ARHGAP21: variants seen among roughly 807,000 people sequenced by gnomAD.
ARHGAP21 encodes the protein Rho GTPase activating protein 21.
ARHGAP21 carries 38 observed loss-of-function variants against 164.6 expected under a neutral mutation model. That is an observed-to-expected ratio of 0.23 (90% CI 0.18 to 0.30). The LOEUF is 0.30. Ranked by LOEUF, ARHGAP21 falls within the 10% of genes least tolerant of loss-of-function variation. The pLI is 1.00. For missense variants in ARHGAP21, 1,822 were observed against 2,370.7 expected (o/e 0.77, Z 4.81); for synonymous variants, 766 against 857.9 (o/e 0.89, Z 1.87).
chr10:24,636,952 A>T (rs1836451323), intron 4 of ARHGAP21, among the ~76,000 whole-genome samples: 3 of 152,234 alleles, frequency 2.0e-5, no homozygotes, highest in Non-Finnish European at 4.4e-5. Flanking sequence ...CGCAATGCTC[A>T]CTAATATCCA....
At chr10:24,656,251 G>C (rs1402520571) in intron 4 of ARHGAP21, among the ~76,000 whole-genome samples, 1 of 128,950 alleles carries the variant, frequency 7.8e-6, no homozygotes, top group Non-Finnish European at 1.6e-5. Context: ...CGCCCCGTCC[G>C]GGAGGTGAGA....
In ARHGAP21 at chr10:24,679,262, G is replaced by C. The variant is rs1312861417; in HGVS notation, c.64-8865C>G. On this transcript the variant is annotated intron_variant, in intron 2 of 25. Coordinates refer to ENST00000396432, the MANE Select transcript of ARHGAP21 (RefSeq NM_020824.4). ...AGAGGCCCAGGAAGCCCAAGATCAAGGCACCGGCAGATTCAGTGTTTGGTG... is the reference window on the plus strand; with the variant it reads ...AGAGGCCCAGGAAGCCCAAGATCAACGCACCGGCAGATTCAGTGTTTGGTG... 2.2e-4 allele frequency among the ~76,000 whole-genome samples: 34 copies of C among 152,180 alleles called. 1 individual carries two copies. Among genetic ancestry groups the C allele is most frequent in the Admixed American group, 2.2e-3 (34 of 15,278 alleles).
intron 4 of ARHGAP21, among the ~76,000 whole-genome samples, chr10:24,642,820 C>G (rs1307818231): frequency 6.6e-6 from 1 of 152,202 alleles, no homozygotes; most frequent in Non-Finnish European, 1.5e-5. Context: ...TCAGTAAGTT[C>G]ATATACGCAC....
rs1316737319 is a variant in ARHGAP21 at position 24,722,184 on chromosome 10, T to G, written c.-285A>C. On this transcript the variant is annotated 5_prime_UTR_variant, in exon 2 of 26. Coordinates refer to ENST00000396432, the MANE Select transcript of ARHGAP21 (RefSeq NM_020824.4). ...CTTGGCAGCCAGTGTCGAGGCCAAT[T>G]GCAGAAAGCGGTCCCCTTCTTCCCA... 2.2e-6 allele frequency: 1 copy of G among 460,940 alleles called. No homozygotes were observed. The highest frequency in any genetic ancestry group is 2.0e-5 in the African/African-American group (1 of 50,428). 28.6% of individuals were successfully genotyped at this position (460,940 alleles called of 1,614,324 possible).
intron 25 of ARHGAP21, 25 bp from the exon 26 acceptor site, chr10:24,586,131 C>G (rs1395199398): frequency 6.5e-7 from 1 of 1,544,096 alleles, no homozygotes; most frequent in East Asian, 2.3e-5. Flanking sequence ...AGAAGAAAGA[C>G]TCTGAGCATA....
intron 11 of ARHGAP21, 24 bp from the exon 12 acceptor site, chr10:24,604,372 T>C: frequency 1.3e-6 from 2 of 1,539,242 alleles, no homozygotes; most frequent in Admixed American, 1.9e-5. Flanking sequence ...AATATATAAA[T>C]ATTTTCAATT....
At chr10:24,652,489 C>T (rs943135582) in intron 4 of ARHGAP21, among the ~76,000 whole-genome samples, 35 of 152,092 alleles carry the variant, frequency 2.3e-4, no homozygotes, top group Non-Finnish European at 5.9e-5. Context: ...ATTCAGAGGA[C>T]ATTAAAATTA....
intron 2 of ARHGAP21, among the ~76,000 whole-genome samples, chr10:24,706,925 T>C (rs1160346058): frequency 1.3e-5 from 2 of 152,316 alleles, no homozygotes; most frequent in African/African-American, 4.8e-5. Context: ...GGGGAGGTGG[T>C]ATATAAATCA....
At position 24,665,972 on chromosome 10, in the gene ARHGAP21, T is replaced by C. The variant is rs571339569; in HGVS notation, c.268+1013A>G. Among the ~76,000 whole-genome samples the C allele has an allele frequency of 2.4e-4, 37 of 152,362 alleles. 1 individual carries two copies. In the South Asian group the frequency reaches 7.5e-3, roughly 31 times the overall value. ...AAGTCTGTAGTTTACATAGTAGTAT[T>C]GTACCAATGCTAATTGCTTAGTATT... On this transcript the variant is annotated intron_variant, in intron 4 of 25. Coordinates refer to ENST00000396432, the MANE Select transcript of ARHGAP21 (RefSeq NM_020824.4).
At chr10:24,682,737 T>C (rs981086928) in intron 2 of ARHGAP21, among the ~76,000 whole-genome samples, 2 of 152,150 alleles carry the variant, frequency 1.3e-5, no homozygotes, top group African/African-American at 4.8e-5. Flanking sequence ...GGGAAATGCT[T>C]TGATGATAAA....
chr10:24,611,460 T>C (rs1301861850), intron 9 of ARHGAP21, among the ~76,000 whole-genome samples: 3 of 152,100 alleles, frequency 2.0e-5, no homozygotes, highest in East Asian at 3.9e-4. Flanking sequence ...TCCTAGCAGT[T>C]TGGGAGGCCA....
intron 7 of ARHGAP21, among the ~76,000 whole-genome samples, chr10:24,626,186 C>T (rs1835122603): frequency 6.6e-6 from 1 of 152,170 alleles, no homozygotes; most frequent in South Asian, 2.1e-4. Context: ...GTCAATGGAG[C>T]CAAATGCTTA....
intron 7 of ARHGAP21, among the ~76,000 whole-genome samples, chr10:24,626,011 T>TA (rs1427156070): frequency 6.6e-6 from 1 of 152,164 alleles, no homozygotes; most frequent in Non-Finnish European, 1.5e-5. Flanking sequence ...TTCAAATCCT[T>TA]ATACCATTTG....
chr10:24,717,487 C>G (rs771941743), intron 2 of ARHGAP21, among the ~76,000 whole-genome samples: 1 of 151,954 alleles, frequency 6.6e-6, no homozygotes, highest in East Asian at 1.9e-4. Context: ...AAGAGTCTTG[C>G]GGGTCAGGGA....
At chr10:24,592,154 AG>A in intron 21 of ARHGAP21, 142 bp from the exon 22 acceptor site, 17 of 552,242 alleles carry the variant, frequency 3.1e-5, no homozygotes, top group South Asian at 4.6e-5. Flanking sequence ...CTTTCTAGCA[AG>A]ATTTTTTTTT....
chr10:24,614,924 T>C (rs867950730), intron 9 of ARHGAP21, among the ~76,000 whole-genome samples: 8 of 151,914 alleles, frequency 5.3e-5, no homozygotes, highest in African/African-American at 1.9e-4. Context: ...CGGTGGCTCA[T>C]ACCTGTAATC....
chr10:24,655,793 A>C (rs1238196136), intron 4 of ARHGAP21, among the ~76,000 whole-genome samples: 3 of 114,596 alleles, frequency 2.6e-5, no homozygotes, highest in African/African-American at 1.0e-4. Context: ...AGCCGCCATC[A>C]CATCTAGGAA....
intron 2 of ARHGAP21, among the ~76,000 whole-genome samples, chr10:24,720,042 T>A (rs1845776294): frequency 6.6e-6 from 1 of 151,992 alleles, no homozygotes; most frequent in Non-Finnish European, 1.5e-5. Flanking sequence ...AAAACACAGG[T>A]GATATTGTGT....
chr10:24,585,729 G>A lies in ARHGAP21; in HGVS notation c.4560C>T (p.Arg1520=). 6.2e-7 allele frequency: 1 copy of A among 1,614,116 alleles called. No individual in the cohort carries two copies. Among genetic ancestry groups the A allele is most frequent in the South Asian group, 1.1e-5 (1 of 91,080 alleles). The change falls in exon 26 of 26, where the codon CGC becomes CGT. Residue 1520 remains arginine (R), a synonymous_variant. Transcript: ENST00000396432. Reference sequence around the variant, plus strand: ...TGGGGCTCTCTTTCAGGATGGCAAAGCGACAGCTGAGAGTTGGTGACTTGT... The same window carrying A: ...TGGGGCTCTCTTTCAGGATGGCAAAACGACAGCTGAGAGTTGGTGACTTGT... The part of the protein sequence containing the change: ...KHNKSPTLSC[R]FAILKESPRS...
Sources: allele counts gnomAD v4.1 joint callset (sites outside exome capture counted in the v4.1 genomes callset), GRCh38; gene constraint gnomAD v4.1.1; transcripts MANE v1.5; gene names NCBI Gene and HGNC (gene_info 2026-07-23, HGNC 2026-07-21).